The following KLRG1 variants were observed in gnomAD, a reference collection of about 807,000 sequenced individuals.
KLRG1 encodes the protein killer cell lectin-like receptor subfamily G member 1.
A neutral mutation model predicts 21.8 loss-of-function variants in KLRG1; 16 were observed. The observed-to-expected ratio is 0.73, with a 90% CI of 0.50 to 1.11. KLRG1 has a LOEUF of 1.11. Among genes scored for constraint, KLRG1 ranks in the 50% most tolerant of loss-of-function variants. KLRG1 has a pLI of 0.00. For synonymous variants in KLRG1, 69 were observed against 75.9 expected (o/e 0.91, Z 0.47); for missense variants, 173 against 218.3 (o/e 0.79, Z 1.31).
the KLRG1 span, chr12:9,069,774 T>A: frequency 6.2e-7 from 1 of 1,613,272 alleles, no homozygotes. Flanking sequence ...ACATGGTTGC[T>A]GCTGACTTCT....
At chr12:9,130,422 A>G in the KLRG1 span, among the ~76,000 whole-genome samples, 9 of 151,944 alleles carry the variant, frequency 5.9e-5, no homozygotes, top group Non-Finnish European at 1.2e-4. Flanking sequence ...AACTGCGCAC[A>G]AGGGTTTCAA....
the KLRG1 span, among the ~76,000 whole-genome samples, chr12:9,161,559 A>G: frequency 2.0e-5 from 3 of 152,208 alleles, no homozygotes; most frequent in Admixed American, 1.3e-4. Flanking sequence ...CCTAAGACTT[A>G]GTGGGGGAAC....
chr12:9,158,709 CTT>C, the KLRG1 span: 4 of 721,194 alleles, frequency 5.5e-6, no homozygotes, highest in Middle Eastern at 7.2e-4. Flanking sequence ...AGTTTGGAGA[CTT>C]TTTCTTTTTA....
At chr12:9,128,178 A>C in the KLRG1 span, 1 of 202,770 alleles carries the variant, frequency 4.9e-6, no homozygotes, top group South Asian at 9.0e-5. Context: ...GCGGGTGGCC[A>C]GGTCAGTGTG....
chr12:9,097,742 C>T, the KLRG1 span, among the ~76,000 whole-genome samples: 1 of 151,064 alleles, frequency 6.6e-6, no homozygotes, highest in East Asian at 1.9e-4. Context: ...AAGTGATTCT[C>T]CTGCCTCAGC....
intron 1 of KLRG1, among the ~76,000 whole-genome samples, chr12:8,977,120 A>G (rs1293960133): frequency 6.6e-6 from 1 of 151,826 alleles, no homozygotes; most frequent in Non-Finnish European, 1.5e-5. Flanking sequence ...TTTGCATGGA[A>G]TATCTTTTTC....
the KLRG1 span, among the ~76,000 whole-genome samples, chr12:9,059,972 A>ATCGCAC: frequency 6.9e-6 from 1 of 145,064 alleles, no homozygotes; most frequent in Admixed American, 6.9e-5. Context: ...GGTGTGAGCC[A>ATCGCAC]CTGTGCCCAG....
At chr12:9,047,152 CTTTA>C in the KLRG1 span, among the ~76,000 whole-genome samples, 7 of 152,218 alleles carry the variant, frequency 4.6e-5, no homozygotes, top group Non-Finnish European at 5.9e-5. Context: ...CCACACCTGG[CTTTA>C]TTTTTTATTC....
the KLRG1 span, chr12:9,072,805 C>T: frequency 3.1e-6 from 5 of 1,614,186 alleles, no homozygotes; most frequent in Non-Finnish European, 3.4e-6. Context: ...ACCTGTGCAG[C>T]CTTCCCAGTC....
intron 1 of KLRG1, among the ~76,000 whole-genome samples, chr12:8,980,775 G>A (rs150509169): frequency 2.6e-4 from 40 of 152,340 alleles, no homozygotes; most frequent in African/African-American, 9.4e-4. Flanking sequence ...ATCGGCTGGT[G>A]TCAGCATTCT....
chr12:9,210,909 A>G, the KLRG1 span, among the ~76,000 whole-genome samples: 1 of 152,162 alleles, frequency 6.6e-6, no homozygotes, highest in Admixed American at 6.5e-5. Flanking sequence ...TAAAAACAGG[A>G]TTGTCTCTAT....
chr12:9,202,563 A>G, the KLRG1 span: 1 of 1,614,084 alleles, frequency 6.2e-7, no homozygotes, highest in South Asian at 1.1e-5. Context: ...GTCTGTCTGG[A>G]CAAAGACCAG....
At chr12:9,095,549 C>A in the KLRG1 span, 1 of 1,610,700 alleles carries the variant, frequency 6.2e-7, no homozygotes, top group South Asian at 1.1e-5. Context: ...CTCTAGGAAG[C>A]TGTACATATC....
chr12:9,152,823 C>T, the KLRG1 span: 7 of 1,613,946 alleles, frequency 4.3e-6, no homozygotes, highest in Middle Eastern at 1.7e-4. Context: ...GAACGTCTTA[C>T]CTGATGGTCA....
At chr12:9,041,591 C>T in the KLRG1 span, among the ~76,000 whole-genome samples, 1 of 152,192 alleles carries the variant, frequency 6.6e-6, no homozygotes, top group Non-Finnish European at 1.5e-5. Context: ...AGAAGCCTGG[C>T]AACTTCTACT....
chr12:9,069,656 A>T, the KLRG1 span: 5 of 890,358 alleles, frequency 5.6e-6, no homozygotes, highest in South Asian at 9.3e-5. Context: ...CATGGAAGTG[A>T]TGTTTCTAAA....
At chr12:9,151,735 T>A in the KLRG1 span, 1 of 1,333,526 alleles carries the variant, frequency 7.5e-7, no homozygotes, top group South Asian at 1.2e-5. Context: ...GTGTGAGATC[T>A]AGAGCAGATT....
the KLRG1 span, among the ~76,000 whole-genome samples, chr12:9,078,610 C>T: frequency 2.0e-5 from 3 of 152,134 alleles, no homozygotes; most frequent in Non-Finnish European, 4.4e-5. Context: ...CTTGAAGAAT[C>T]GCCATACTGT....
chr12:9,115,719 G>A, the KLRG1 span: 1 of 1,440,476 alleles, frequency 6.9e-7, no homozygotes, highest in Non-Finnish European at 9.8e-7. Context: ...TGCAATAAAT[G>A]AAGGACTCTA....
Sources: allele counts gnomAD v4.1 joint callset (sites outside exome capture counted in the v4.1 genomes callset), GRCh38; gene constraint gnomAD v4.1.1; transcripts MANE v1.5; gene names NCBI Gene and HGNC (gene_info 2026-07-23, HGNC 2026-07-21).